The following MMP16 variants were observed in gnomAD, a reference collection of about 807,000 sequenced individuals.
MMP16 encodes matrix metalloproteinase-16.
MMP16 carries 12 observed loss-of-function variants against 67.8 expected under a neutral mutation model. The observed-to-expected ratio is 0.18, with a 90% CI of 0.11 to 0.29. MMP16 has a LOEUF of 0.29. Ranked by LOEUF, MMP16 falls within the 10% of genes least tolerant of loss-of-function variation. The pLI, the probability that MMP16 is intolerant of heterozygous loss-of-function variation, is 1.00. For missense variants in MMP16, 475 were observed against 765.7 expected, an observed-to-expected ratio of 0.62 and a Z score of 4.48; for synonymous variants, 249 against 255.9, an observed-to-expected ratio of 0.97 and a Z score of 0.26.
intron 4 of MMP16, among the ~76,000 whole-genome samples, chr8:88,143,189 A>C (rs1324570839): frequency 6.6e-6 from 1 of 152,106 alleles, no homozygotes; most frequent in African/African-American, 2.4e-5. Context: ...GGGTGGTGGT[A>C]CTCAGAGTGG....
chr8:88,183,258 T>C (rs931110271), intron 3 of MMP16, among the ~76,000 whole-genome samples: 3 of 152,194 alleles, frequency 2.0e-5, no homozygotes, highest in Non-Finnish European at 4.4e-5. Flanking sequence ...ACTATGCTAA[T>C]GCAAGATGTT....
chr8:88,230,223 A>C (rs549860907), intron 1 of MMP16, among the ~76,000 whole-genome samples: 2 of 152,208 alleles, frequency 1.3e-5, no homozygotes, highest in East Asian at 3.9e-4. Flanking sequence ...CTCATTCACG[A>C]GATGCAGATG....
chr8:88,054,940 G>A (rs1365093473), intron 8 of MMP16, among the ~76,000 whole-genome samples: 2 of 152,092 alleles, frequency 1.3e-5, no homozygotes, highest in East Asian at 1.9e-4. Flanking sequence ...TTTTGTATGT[G>A]TGTATTTTCT....
At chr8:88,182,393 T>C (rs1808995070) in intron 3 of MMP16, among the ~76,000 whole-genome samples, 1 of 152,156 alleles carries the variant, frequency 6.6e-6, no homozygotes, top group Admixed American at 6.5e-5. Flanking sequence ...TTGCATCTTA[T>C]GTCATCAGGG....
At chr8:88,116,831 G>A in intron 5 of MMP16, 113 bp from the exon 6 acceptor site, 1 of 940,608 alleles carries the variant, frequency 1.1e-6, no homozygotes, top group Non-Finnish European at 1.6e-6. Context: ...ACTGAACTAA[G>A]AGGTCTTTAA....
intron 4 of MMP16, among the ~76,000 whole-genome samples, chr8:88,124,685 A>G (rs1424889322): frequency 6.6e-6 from 1 of 151,982 alleles, no homozygotes; most frequent in Non-Finnish European, 1.5e-5. Context: ...AATAAACTTA[A>G]TATTTTAAAA....
chr8:88,265,392 T>C (rs149967574), intron 1 of MMP16, among the ~76,000 whole-genome samples: 1 of 152,190 alleles, frequency 6.6e-6, no homozygotes, highest in Non-Finnish European at 1.5e-5. Flanking sequence ...AGCTAAAAGC[T>C]GCATGAAGCA....
In MMP16 at chr8:88,116,493, T is replaced by C; in HGVS notation, c.1083+14A>G. On this transcript the variant is annotated intron_variant, in intron 6 of 9. Transcript: ENST00000286614. ...TGATCTACTGTTAAAAAAAAAAAAA[T>C]CACAGTCTCCTACCTTGAAAACAAA... 6.3e-7 allele frequency: 1 copy of C among 1,579,370 alleles called. No homozygotes were observed. Among genetic ancestry groups the C allele is most frequent in the South Asian group, 1.1e-5 (1 of 87,598 alleles).
In MMP16 at chr8:88,167,663, A is replaced by G; in HGVS notation, c.709+6T>C. The G allele has an allele frequency of 6.2e-7, 1 of 1,601,434 alleles. No homozygotes were observed. Among genetic ancestry groups the G allele is most frequent in the East Asian group, 2.2e-5 (1 of 44,734 alleles). On this transcript the variant is annotated splice_donor_region_variant and intron_variant, in intron 4 of 9. Coordinates refer to ENST00000286614, the MANE Select transcript of MMP16 (RefSeq NM_005941.5). ...TATTTACACTGTAAAACAAACATGT[A>G]CTTACCATCATGATTAGGATTTCCT... is the stretch of plus-strand genomic sequence containing the variant.
intron 1 of MMP16, among the ~76,000 whole-genome samples, chr8:88,206,574 G>A (rs1010884154): frequency 1.3e-5 from 2 of 152,162 alleles, no homozygotes; most frequent in Non-Finnish European, 2.9e-5. Context: ...CTAAGCTGCT[G>A]GATAGGCTCT....
intron 1 of MMP16, among the ~76,000 whole-genome samples, chr8:88,248,738 C>T (rs1810159419): frequency 6.7e-6 from 1 of 149,702 alleles, no homozygotes; most frequent in African/African-American, 2.5e-5. Flanking sequence ...GAGTTGTCCT[C>T]TAGGGAGAGG....
intron 1 of MMP16, among the ~76,000 whole-genome samples, chr8:88,213,953 C>G (rs1258102792): frequency 6.6e-6 from 1 of 152,172 alleles, no homozygotes; most frequent in African/African-American, 2.4e-5. Context: ...TTAGAGAACT[C>G]ATCTTCTCCT....
At chr8:88,182,767 A>G (rs1270532420) in intron 3 of MMP16, among the ~76,000 whole-genome samples, 1 of 152,192 alleles carries the variant, frequency 6.6e-6, no homozygotes, top group East Asian at 1.9e-4. Context: ...AAATGTGTAT[A>G]CTGGCCTTCT....
At position 88,058,018 on chromosome 8, in the gene MMP16, A is replaced by G. The variant is rs909203418; in HGVS notation, c.1223-1740T>C. On this transcript the variant is annotated intron_variant, in intron 7 of 9. Transcript: ENST00000286614. The surrounding 1 kb of genome is among the most constrained non-coding windows in gnomAD (Gnocchi z 4.2). ...ATAAAGGGAACTTACTTTAAGTAAA[A>G]AGGTCAGGGAAGACCTCTCTGAAGA... Among the ~76,000 whole-genome samples the G allele has an allele frequency of 6.6e-6, 1 of 152,156 alleles. No individual in the cohort carries two copies. Among genetic ancestry groups the G allele is most frequent in the Admixed American group, 6.6e-5 (1 of 15,252 alleles).
intron 1 of MMP16, among the ~76,000 whole-genome samples, chr8:88,232,405 G>A (rs543376208): frequency 4.6e-5 from 7 of 152,236 alleles, no homozygotes; most frequent in Non-Finnish European, 8.8e-5. Flanking sequence ...AAGTTTGGCA[G>A]AACTACACTT....
At chr8:88,190,713 T>C (rs1219400054) in intron 2 of MMP16, among the ~76,000 whole-genome samples, 1 of 152,186 alleles carries the variant, frequency 6.6e-6, no homozygotes, top group Non-Finnish European at 1.5e-5. Flanking sequence ...AAAGTTAACA[T>C]ATAAGTGTAT....
At chr8:88,078,296 G>A (rs1435433273) in intron 6 of MMP16, among the ~76,000 whole-genome samples, 1 of 152,102 alleles carries the variant, frequency 6.6e-6, no homozygotes, top group Non-Finnish European at 1.5e-5. Context: ...AAGCACTTAT[G>A]GTCTTACATG....
intron 7 of MMP16, among the ~76,000 whole-genome samples, chr8:88,059,090 G>C (rs2118233327): frequency 6.6e-6 from 1 of 152,204 alleles, no homozygotes; most frequent in East Asian, 1.9e-4. Flanking sequence ...ATGTCAATGA[G>C]ATATCTACAT....
chr8:88,129,338 C>G (rs1225014877), intron 4 of MMP16, among the ~76,000 whole-genome samples: 5 of 151,640 alleles, frequency 3.3e-5, no homozygotes, highest in Admixed American at 1.3e-4. Context: ...TAGGTATAAA[C>G]AATTTCCTGT....
Sources: gnomAD v4.1 joint callset for allele counts (sites outside exome capture counted in the v4.1 genomes callset) on GRCh38, gnomAD v4.1.1 for gene constraint, Gnocchi (gnomAD v3.1) non-coding constraint, MANE v1.5 for transcripts, NCBI Gene and HGNC (gene_info 2026-07-23, HGNC 2026-07-21) for gene names.